The following MECOM variants were observed in gnomAD, a reference collection of about 807,000 sequenced individuals.
MECOM encodes the protein histone-lysine N-methyltransferase MECOM.
Under a neutral mutation model 116.3 loss-of-function variants are expected in MECOM, and 13 were observed. The observed-to-expected ratio is 0.11, with a 90% CI of 0.07 to 0.18. The LOEUF is 0.18. Among genes scored for constraint, MECOM ranks in the 10% least tolerant of loss-of-function variants. The probability of loss-of-function intolerance (pLI) is 1.00; values close to 1 mark genes in which losing one functional copy is unlikely to be tolerated. For missense variants in MECOM, 1,299 were observed against 1,509.0 expected (o/e 0.86, Z 2.31); for synonymous variants, 528 against 535.2 (o/e 0.99, Z 0.19).
chr3:169,623,488 C>T (rs1455488675), intron 1 of MECOM, among the ~76,000 whole-genome samples: 1 of 152,148 alleles, frequency 6.6e-6, no homozygotes, highest in Non-Finnish European at 1.5e-5. Flanking sequence ...AAATTCTCAT[C>T]CTATAAAAAA....
rs539383575 is a variant in MECOM, at chr3:169,219,919, T to C, written c.376-76087A>G. Among the ~76,000 whole-genome samples the C allele has an allele frequency of 1.6e-4, 24 of 148,928 alleles. No individual in the cohort carries two copies. In the East Asian group the frequency reaches 2.7e-3, roughly 17 times the overall value. ...CATCTCATTAAGTTTTTTTAAAGGA[T>C]CTAATATATATATTATTCTAATATG... On this transcript the variant is annotated intron_variant, in intron 2 of 16. Coordinates refer to ENST00000651503, the MANE Select transcript of MECOM (RefSeq NM_004991.4).
chr3:169,409,562 A>T (rs16853670), intron 1 of MECOM, among the ~76,000 whole-genome samples: 1 of 152,180 alleles, frequency 6.6e-6, no homozygotes, highest in Admixed American at 6.5e-5. Context: ...ATATTTCAAG[A>T]TTCTGCCTGC....
At chr3:169,152,840 A>G (rs886592726) in intron 2 of MECOM, among the ~76,000 whole-genome samples, 1 of 152,180 alleles carries the variant, frequency 6.6e-6, no homozygotes, top group African/African-American at 2.4e-5. Flanking sequence ...AGATTTTAAC[A>G]GTTTAATATT....
intron 2 of MECOM, among the ~76,000 whole-genome samples, chr3:169,161,701 T>G (rs1742864581): frequency 5.3e-5 from 8 of 152,126 alleles, no homozygotes; most frequent in Admixed American, 5.2e-4. Flanking sequence ...TAAGCTGAGC[T>G]TAGTGACACA....
chr3:169,328,668 T>C lies in MECOM; in HGVS notation c.375+52519A>G, dbSNP rs371717539. On this transcript the variant is annotated intron_variant, in intron 2 of 16. Transcript: ENST00000651503. ...ATGAATTAAATGTTGTAGAAAAAGC[T>C]GATGCAGCTTTTTCTACTAGTGTCT... is the stretch of plus-strand genomic sequence containing the variant. 7.9e-5 allele frequency among the ~76,000 whole-genome samples: 12 copies of C among 152,312 alleles called. No homozygotes were observed. In the East Asian group the frequency reaches 1.9e-3, roughly 25 times the overall value.
At chr3:169,235,595 T>A (rs1453905129) in intron 2 of MECOM, among the ~76,000 whole-genome samples, 1 of 151,990 alleles carries the variant, frequency 6.6e-6, no homozygotes, top group African/African-American at 2.4e-5. Flanking sequence ...AATAACCAAA[T>A]AAATGATATT....
intron 1 of MECOM, among the ~76,000 whole-genome samples, chr3:169,606,900 G>C (rs1768650072): frequency 6.6e-6 from 1 of 152,150 alleles, no homozygotes; most frequent in Non-Finnish European, 1.5e-5. Flanking sequence ...CTAATGGCAT[G>C]ATCATGTCTT....
rs549029245 is a variant in MECOM, at chr3:169,355,056, G to T, written c.375+26131C>A. On this transcript the variant is annotated intron_variant, in intron 2 of 16. Transcript: ENST00000651503. Reference sequence around the variant, plus strand: ...CTGACTGAATTAAAAGAACAAAAGAGCTCCTTGCAGTTGCAGCATTCAATT... The same window carrying T: ...CTGACTGAATTAAAAGAACAAAAGATCTCCTTGCAGTTGCAGCATTCAATT... 6.6e-5 allele frequency among the ~76,000 whole-genome samples: 10 copies of T among 152,026 alleles called. No individual in the cohort carries two copies. The South Asian group carries it at 1.9e-3, about 28-fold the overall frequency.
chr3:169,475,928 TAAATA>T (rs1245727636), intron 1 of MECOM, among the ~76,000 whole-genome samples: 8 of 152,114 alleles, frequency 5.3e-5, no homozygotes, highest in Non-Finnish European at 7.4e-5. Flanking sequence ...CAGATAAAGA[TAAATA>T]AAATGAAATG....
At chr3:169,472,613 GAAAGA>G (rs772494863) in intron 1 of MECOM, among the ~76,000 whole-genome samples, 1,403 of 47,950 alleles carry the variant, frequency 0.029, 171 homozygotes, top group Non-Finnish European at 0.039. Context: ...GAAAGGAAAG[GAAAGA>G]AAAGAAAAGA....
chr3:169,657,388 T>A (rs1045403757), intron 1 of MECOM, among the ~76,000 whole-genome samples: 3 of 151,910 alleles, frequency 2.0e-5, no homozygotes, highest in African/African-American at 4.8e-5. Flanking sequence ...CCTTGAGATC[T>A]GTTTGTTTAT....
At chr3:169,214,820 T>C (rs1751220873) in intron 2 of MECOM, among the ~76,000 whole-genome samples, 1 of 148,490 alleles carries the variant, frequency 6.7e-6, no homozygotes, top group Non-Finnish European at 1.5e-5. Context: ...TTTATATATG[T>C]CTAGTATCTA....
chr3:169,591,258 A>T (rs756051293), intron 1 of MECOM, among the ~76,000 whole-genome samples: 15 of 152,224 alleles, frequency 9.9e-5, no homozygotes, highest in Non-Finnish European at 1.8e-4. Flanking sequence ...ATCTTTGTAC[A>T]TGTAATTATA....
rs368016499 is a variant in MECOM, at chr3:169,576,838, C to CACAGAG, written c.37+86497_37+86498insCTCTGT. Reference sequence around the variant, plus strand: ...ACACACACACACACACACACACACACAGAGAGAGAGAGAGAGAGTTAAGAG... The same window carrying CACAGAG: ...ACACACACACACACACACACACACACACAGAGAGAGAGAGAGAGAGAGAGTTAAGAG... On this transcript the variant is annotated intron_variant, in intron 1 of 16. Coordinates refer to ENST00000651503, the MANE Select transcript of MECOM (RefSeq NM_004991.4). Among the ~76,000 whole-genome samples the CACAGAG allele has an allele frequency of 2.7e-3, 344 of 125,094 alleles. 1 individual carries two copies. The highest frequency in any genetic ancestry group is 8.4e-3 in the Middle Eastern group (2 of 238). The allele number at this position is 125,094 out of a possible 152,430, so 82.1% of individuals were successfully genotyped here. A position where few individuals can be genotyped will look rare whatever the true frequency, so the allele number is the denominator to read the frequency against.
intron 1 of MECOM, among the ~76,000 whole-genome samples, chr3:169,656,784 A>C (rs1775594039): frequency 1.3e-5 from 2 of 152,328 alleles, no homozygotes; most frequent in South Asian, 4.1e-4. Flanking sequence ...CATAAATTAG[A>C]GTAAATTCCA....
chr3:169,526,568 T>C (rs1256295839), intron 1 of MECOM, among the ~76,000 whole-genome samples: 1 of 152,218 alleles, frequency 6.6e-6, no homozygotes, highest in Non-Finnish European at 1.5e-5. Flanking sequence ...AGAACACATT[T>C]TGACCTTCTT....
intron 3 of MECOM, among the ~76,000 whole-genome samples, chr3:169,142,354 T>C (rs1241000635): frequency 6.6e-6 from 1 of 151,948 alleles, no homozygotes; most frequent in Non-Finnish European, 1.5e-5. Flanking sequence ...AAGCTATCAT[T>C]TGAGGTCCTC....
intron 1 of MECOM, among the ~76,000 whole-genome samples, chr3:169,468,838 C>A (rs1297828828): frequency 1.3e-5 from 2 of 152,172 alleles, no homozygotes; most frequent in Non-Finnish European, 2.9e-5. Context: ...AAGCAGCCAA[C>A]AACTCGCCTG....
rs868587878 is a variant in MECOM at position 169,581,413 on chromosome 3, T to C, written c.37+81923A>G. Among the ~76,000 whole-genome samples, 7 of 152,278 alleles carry C rather than the reference T, an allele frequency of 4.6e-5. No individual in the cohort carries two copies. In the South Asian group the frequency reaches 1.5e-3, roughly 32 times the overall value. On this transcript the variant is annotated intron_variant, in intron 1 of 16. Coordinates refer to ENST00000651503, the MANE Select transcript of MECOM (RefSeq NM_004991.4). The stretch of plus-strand genomic sequence containing the variant: ...TAATGGGCCTAATCAGCTCCTACCA[T>C]GATAGTCTTTATTTTCTTCTTTCTT...
Sources: allele counts gnomAD v4.1 joint callset (sites outside exome capture counted in the v4.1 genomes callset), GRCh38; gene constraint gnomAD v4.1.1; transcripts MANE v1.5; gene names NCBI Gene and HGNC (gene_info 2026-07-23, HGNC 2026-07-21).